The following PLCL1 variants were observed in gnomAD, a reference collection of about 807,000 sequenced individuals.
PLCL1 encodes the protein phospholipase C like 1 (inactive), also known as inactive phospholipase C-like protein 1.
PLCL1 carries 41 observed loss-of-function variants against 84.4 expected under a neutral mutation model. That is an observed-to-expected ratio of 0.49 (90% CI 0.38 to 0.63). The LOEUF (loss-of-function observed/expected upper bound fraction) is 0.63. PLCL1 is among the 30% of genes least tolerant of loss of function. The pLI, the probability that PLCL1 is intolerant of heterozygous loss-of-function variation, is 0.00. For synonymous variants in PLCL1, 490 were observed against 488.3 expected, an observed-to-expected ratio of 1.00 and a Z score of -0.05; for missense variants, 1,206 against 1,367.8, an observed-to-expected ratio of 0.88 and a Z score of 1.87.
intron 1 of PLCL1, among the ~76,000 whole-genome samples, chr2:197,963,891 G>C (rs765661842): frequency 6.6e-6 from 1 of 152,094 alleles, no homozygotes; most frequent in Non-Finnish European, 1.5e-5. Flanking sequence ...TCAAAAATGA[G>C]TTTGCTGTAG....
intron 3 of PLCL1, among the ~76,000 whole-genome samples, chr2:198,090,984 C>A (rs4850819): frequency 0.32 from 49,070 of 152,002 alleles, 8,939 homozygotes; most frequent in East Asian, 0.71. Context: ...TGTATTATTA[C>A]AATGCAAATT....
At chr2:198,124,932 A>G (rs1693951311) in intron 5 of PLCL1, among the ~76,000 whole-genome samples, 1 of 152,206 alleles carries the variant, frequency 6.6e-6, no homozygotes, top group African/African-American at 2.4e-5. Flanking sequence ...CAAAATAATT[A>G]CAATTGAATA....
intron 1 of PLCL1, among the ~76,000 whole-genome samples, chr2:197,929,280 C>T (rs1188321528): frequency 6.6e-6 from 1 of 152,168 alleles, no homozygotes; most frequent in African/African-American, 2.4e-5. Flanking sequence ...CTGTAAACGC[C>T]TTCTCCTGAT....
intron 1 of PLCL1, chr2:198,071,002 G>T (rs1487138315): frequency 9.0e-6 from 8 of 890,550 alleles, no homozygotes; most frequent in Non-Finnish European, 9.4e-6. Flanking sequence ...TCACCAATTG[G>T]AATATATTCT....
chr2:197,963,586 T>A (rs1371294388), intron 1 of PLCL1, among the ~76,000 whole-genome samples: 1 of 152,142 alleles, frequency 6.6e-6, no homozygotes, highest in Non-Finnish European at 1.5e-5. Flanking sequence ...GCTTTTTAAC[T>A]TGATGTGATC....
Position 198,085,524 on chromosome 2 carries a change from G to T in PLCL1, c.2007G>T (p.Met669Ile). Reference protein sequence around the residue: ...FWNCGCQIVAMNFQTPGPMMD... With the variant: ...FWNCGCQIVAINFQTPGPMMD... ...ATTGTGGCTGTCAGATTGTAGCAAT[G>T]AATTTTCAGACTCCGGGTCCAATGA... Residue 669 changes from methionine to isoleucine, a missense_variant, in exon 2 of 6, where the codon ATG becomes ATT. Transcript: ENST00000428675. This position sits in a 1 kb window ranked among gnomAD's most constrained non-coding sequence, Gnocchi z 5.3. The T allele has an allele frequency of 1.2e-6, 2 of 1,613,980 alleles. No individual in the cohort carries two copies. The highest frequency in any genetic ancestry group is 1.7e-6 in the Non-Finnish European group (2 of 1,179,904).
At chr2:197,970,029 C>A (rs1689828464) in intron 1 of PLCL1, among the ~76,000 whole-genome samples, 1 of 152,190 alleles carries the variant, frequency 6.6e-6, no homozygotes, top group South Asian at 2.1e-4. Flanking sequence ...ATGATAGCCA[C>A]CAGCTATATG....
At chr2:197,908,347 C>T (rs905152816) in intron 1 of PLCL1, among the ~76,000 whole-genome samples, 1 of 152,178 alleles carries the variant, frequency 6.6e-6, no homozygotes, top group Non-Finnish European at 1.5e-5. Flanking sequence ...TTACATATTT[C>T]TAGCAAAAGA....
chr2:198,015,980 A>T (rs571167394), intron 1 of PLCL1, among the ~76,000 whole-genome samples: 1 of 152,236 alleles, frequency 6.6e-6, no homozygotes. Context: ...AATAGATTGT[A>T]TATGTTGGAA....
rs144515534 is a variant in PLCL1 at position 197,993,013 on chromosome 2, T to G, written c.241-90745T>G. ...GTTTGAGTCCCTGTTTTCACTTTTT[T>G]GGGGTATATACCCAGAAGTGTAATT... On this transcript the variant is annotated intron_variant, in intron 1 of 5. Transcript: ENST00000428675. Among the ~76,000 whole-genome samples the G allele has an allele frequency of 6.2e-3, 948 of 152,350 alleles. 11 individuals are homozygous for G. Among genetic ancestry groups the G allele is most frequent in the African/African-American group, 0.022 (904 of 41,572 alleles).
At chr2:198,062,716 G>T (rs1396868700) in intron 1 of PLCL1, among the ~76,000 whole-genome samples, 1 of 151,984 alleles carries the variant, frequency 6.6e-6, no homozygotes, top group African/African-American at 2.4e-5. Flanking sequence ...ATCACTTGGG[G>T]GTGAGCCTAG....
rs956522625 is a variant in PLCL1 at position 197,805,105 on chromosome 2, C to G, written c.6C>G (p.Ala2=). Residue 2 remains alanine (A), a synonymous_variant, in exon 1 of 6, where the codon GCC becomes GCG. Transcript: ENST00000428675. The surrounding 1 kb of genome is among the most constrained non-coding windows in gnomAD (Gnocchi z 4.0). M[A]EGAAGREDPA... ...AGCCCTAAACGCTCCAGGCCATGGC[C>G]GAGGGCGCGGCCGGCAGGGAGGATC... The G allele has an allele frequency of 1.6e-5, 21 of 1,341,650 alleles. No homozygotes were observed. The highest frequency in any genetic ancestry group is 2.7e-4 in the Middle Eastern group (1 of 3,660). The allele number at this position is 1,341,650 out of a possible 1,614,324, so 83.1% of individuals were successfully genotyped here. A position where few individuals can be genotyped will look rare whatever the true frequency, so the allele number is the denominator to read the frequency against.
intron 5 of PLCL1, among the ~76,000 whole-genome samples, chr2:198,126,777 T>C (rs1227556713): frequency 1.3e-5 from 2 of 151,946 alleles, no homozygotes; most frequent in Non-Finnish European, 2.9e-5. Context: ...TGGTGGCACA[T>C]ATCTATAGTC....
chr2:197,912,951 TAAAAAAAAA>T lies in PLCL1; in HGVS notation c.240+107613_240+107621del, dbSNP rs1559043220. Among the ~76,000 whole-genome samples the T allele has an allele frequency of 1.0e-4, 11 of 110,534 alleles. No homozygotes were observed. The South Asian group carries it at 2.9e-3, about 30-fold the overall frequency. The allele number at this position is 110,534 out of a possible 152,430, so 72.5% of individuals were successfully genotyped here. A position where few individuals can be genotyped will look rare whatever the true frequency, so the allele number is the denominator to read the frequency against. On this transcript the variant is annotated intron_variant, in intron 1 of 5. Coordinates refer to ENST00000428675, the MANE Select transcript of PLCL1 (RefSeq NM_006226.4). ...ATGTACCCTAAAACTTACAGTATAATAAAAAAAAATTAAAAAAAAAAAGAAAAATGAAAA... is the reference window on the plus strand; with the variant it reads ...ATGTACCCTAAAACTTACAGTATAATTTAAAAAAAAAAAGAAAAATGAAAA...
Position 198,066,144 on chromosome 2 carries a change from T to A in PLCL1, c.241-17614T>A, listed in dbSNP as rs77859540. Reference sequence around the variant, plus strand: ...TCAAAATGTTCTGCACTTTCAAAGGTCACTGCTAAGTACTCTTCTCTTTTT... The same window carrying A: ...TCAAAATGTTCTGCACTTTCAAAGGACACTGCTAAGTACTCTTCTCTTTTT... On this transcript the variant is annotated intron_variant, in intron 1 of 5. Transcript: ENST00000428675. Among the ~76,000 whole-genome samples, 1,478 of 152,292 alleles carry A rather than the reference T, an allele frequency of 9.7e-3. 31 individuals carry two copies. Among genetic ancestry groups the A allele is most frequent in the African/African-American group, 0.033 (1,357 of 41,550 alleles).
chr2:198,075,449 A>C (rs1020045551), intron 1 of PLCL1, among the ~76,000 whole-genome samples: 1 of 152,226 alleles, frequency 6.6e-6, no homozygotes, highest in Non-Finnish European at 1.5e-5. Flanking sequence ...AAAACTACGC[A>C]TTGCATGCAG....
chr2:198,082,320 T>C (rs933004428), intron 1 of PLCL1, among the ~76,000 whole-genome samples: 1 of 152,140 alleles, frequency 6.6e-6, no homozygotes, highest in Non-Finnish European at 1.5e-5. Context: ...GGCACGTTCC[T>C]GTAATCCCAG....
At chr2:198,047,374 G>C (rs1407926095) in intron 1 of PLCL1, among the ~76,000 whole-genome samples, 1 of 152,038 alleles carries the variant, frequency 6.6e-6, no homozygotes, top group African/African-American at 2.4e-5. Flanking sequence ...ATTAGAGATG[G>C]GGTTTCATCA....
At chr2:197,876,591 T>C (rs935485134) in intron 1 of PLCL1, among the ~76,000 whole-genome samples, 6 of 152,114 alleles carry the variant, frequency 3.9e-5, no homozygotes, top group African/African-American at 9.6e-5. Context: ...TTGTTTTTTT[T>C]CCAGGGTCCA....
Sources: gnomAD v4.1 joint callset for allele counts (sites outside exome capture counted in the v4.1 genomes callset) on GRCh38, gnomAD v4.1.1 for gene constraint, Gnocchi (gnomAD v3.1) non-coding constraint, MANE v1.5 for transcripts, NCBI Gene and HGNC (gene_info 2026-07-23, HGNC 2026-07-21) for gene names.